IL4R: variants seen among roughly 807,000 people sequenced by gnomAD.
IL4R encodes interleukin 4 receptor, also known as interleukin-4 receptor subunit alpha.
Under a neutral mutation model 41.5 loss-of-function variants are expected in IL4R, and 17 were observed. The ratio of observed to expected loss-of-function variants is 0.41; its 90% CI spans 0.28 to 0.61. The LOEUF (loss-of-function observed/expected upper bound fraction) is 0.61, where lower values mean the gene tolerates loss of function less well. IL4R is among the 20% of genes least tolerant of loss of function. The pLI, the probability that IL4R is intolerant of heterozygous loss-of-function variation, is 0.31. For synonymous variants in IL4R, 402 were observed against 422.9 expected, an observed-to-expected ratio of 0.95 and a Z score of 0.61; for missense variants, 974 against 1,043.1, an observed-to-expected ratio of 0.93 and a Z score of 0.91.
rs572749612 is a variant in IL4R, at chr16:27,363,581, C to T, written c.2229C>T (p.Cys743=). The stretch of plus-strand genomic sequence containing the variant: ...AGACCCCTGTCATGGCCAGTCCTTG[C>T]TGTGGCTGCTGCTGTGGAGACAGGT... The part of the protein sequence containing the change: ...GGQTPVMASP[C]CGCCCGDRSS... Residue 743 remains cysteine (C), a synonymous_variant, in exon 11 of 11, where the codon TGC becomes TGT. Coordinates refer to ENST00000395762, the MANE Select transcript of IL4R (RefSeq NM_000418.4). 1.2e-6 allele frequency: 2 copies of T among 1,614,132 alleles called. No individual in the cohort carries two copies. Among genetic ancestry groups the T allele is most frequent in the African/African-American group, 2.7e-5 (2 of 75,056 alleles).
intron 2 of IL4R, 135 bp from the exon 3 acceptor site, chr16:27,340,051 T>C: frequency 3.2e-6 from 2 of 628,652 alleles, no homozygotes. Context: ...AGCGAGACTC[T>C]GTCTCGGAAA....
At chr16:27,314,645 G>A (rs1456862950) in intron 1 of IL4R, among the ~76,000 whole-genome samples, 1 of 152,090 alleles carries the variant, frequency 6.6e-6, no homozygotes, top group African/African-American at 2.4e-5. Flanking sequence ...TTGCCCTAAG[G>A]TGCCGCCCAC....
At chr16:27,314,166 G>A in intron 1 of IL4R, 146 bp downstream of exon 1, 1 of 942,154 alleles carries the variant, frequency 1.1e-6, no homozygotes, top group Non-Finnish European at 1.3e-6. Context: ...GCGACTCTCG[G>A]TGCGCGCGGA....
chr16:27,358,503 G>A lies in IL4R; in HGVS notation c.771-413G>A, dbSNP rs1426449791. 3.3e-5 allele frequency among the ~76,000 whole-genome samples: 5 copies of A among 152,298 alleles called. No homozygotes were observed. The East Asian group carries it at 9.7e-4, about 29-fold the overall frequency. On this transcript the variant is annotated intron_variant, in intron 8 of 10. Coordinates refer to ENST00000395762, the MANE Select transcript of IL4R (RefSeq NM_000418.4). The stretch of plus-strand genomic sequence containing the variant: ...CCCAGGCCATCCCAGGCCATTCCCT[G>A]GTCATTTGCCCTCAGCTGCTCTGAA...
rs558584235 is a variant in IL4R, at chr16:27,362,402, C to T, written c.1050C>T (p.Val350=). ...GCCCAGTGGAGATCAGCAAGACAGT[C>T]CTCTGGCCAGAGAGCATCAGCGTGG... is the stretch of plus-strand genomic sequence containing the variant. ...AWCPVEISKT[V]LWPESISVVR... is the part of the protein sequence containing the mutation. The change falls in exon 11 of 11, where the codon GTC becomes GTT. Residue 350 remains valine (V), a synonymous_variant. Coordinates refer to ENST00000395762, the MANE Select transcript of IL4R (RefSeq NM_000418.4). 1.6e-5 allele frequency: 26 copies of T among 1,614,160 alleles called. No individual in the cohort carries two copies. The East Asian group carries it at 5.6e-4, about 35-fold the overall frequency.
chr16:27,313,870 C>T, upstream of IL4R: 1 of 970,294 alleles, frequency 1.0e-6, no homozygotes, highest in Non-Finnish European at 1.2e-6. Context: ...TGCAAATCTG[C>T]CGGGCGCCGG....
chr16:27,359,829 G>A (rs1413065494), intron 9 of IL4R: 6 of 456,178 alleles, frequency 1.3e-5, no homozygotes, highest in Non-Finnish European at 2.2e-5. Flanking sequence ...TGTTTGCTGT[G>A]TAACAAACGA....
chr16:27,349,426 G>T (rs2085785315), intron 6 of IL4R, among the ~76,000 whole-genome samples: 1 of 152,188 alleles, frequency 6.6e-6, no homozygotes. Flanking sequence ...TTCTAGGCAA[G>T]GTTCCATAGT....
chr16:27,342,469 A>T (rs1320979040), intron 4 of IL4R, among the ~76,000 whole-genome samples: 1 of 152,146 alleles, frequency 6.6e-6, no homozygotes, highest in Non-Finnish European at 1.5e-5. Flanking sequence ...TCCACGTGGC[A>T]CATGGATACG....
chr16:27,332,986 C>T (rs1256007207), intron 2 of IL4R, among the ~76,000 whole-genome samples: 1 of 151,728 alleles, frequency 6.6e-6, no homozygotes, highest in East Asian at 1.9e-4. Flanking sequence ...GGCTTTCTTC[C>T]TGCTAGTGAC....
intron 9 of IL4R, chr16:27,359,820 G>A (rs1286426850): frequency 2.2e-6 from 1 of 456,572 alleles, no homozygotes; most frequent in Non-Finnish European, 4.4e-6. Flanking sequence ...ATCAGTTAGT[G>A]TTTGCTGTGT....
intron 1 of IL4R, among the ~76,000 whole-genome samples, chr16:27,315,871 A>G (rs114599038): frequency 0.026 from 3,945 of 152,260 alleles, 167 homozygotes; most frequent in African/African-American, 0.09. Context: ...GCAGGGAGGA[A>G]AACCTGCAGT....
Position 27,363,502 on chromosome 16 carries a change from C to T in IL4R, c.2150C>T (p.Thr717Ile). 1 of 1,614,166 alleles carries T rather than the reference C, an allele frequency of 6.2e-7. No homozygotes were observed. Among genetic ancestry groups the T allele is most frequent in the Non-Finnish European group, 8.5e-7 (1 of 1,180,016 alleles). ...AGTGGCATTGTCTACTCAGCCCTTA[C>T]CTGCCACCTGTGCGGCCACCTGAAA... The part of the protein sequence containing the change: ...LGSGIVYSAL[T>I]CHLCGHLKQC... The change falls in exon 11 of 11, where the codon ACC (threonine) becomes ATC (isoleucine). Residue 717 changes from threonine to isoleucine, a missense_variant. Thr to Ile is a moderately conservative substitution (Grantham distance 89). Transcript: ENST00000395762.
At position 27,352,564 on chromosome 16, in the gene IL4R, C is replaced by T. The variant is rs142568569; in HGVS notation, c.538C>T (p.Leu180=). ...GTTCAGAATCTATAACGTGACCTAC[C>T]TAGAACCCTCCCTCCGCATCGCAGC... ...ADFRIYNVTY[L]EPSLRIAAST... is the part of the protein sequence containing the mutation. The change falls in exon 7 of 11, where the codon CTA becomes TTA. Residue 180 remains leucine, a synonymous_variant. Transcript: ENST00000395762. 20 of 1,614,054 alleles carry T rather than the reference C, an allele frequency of 1.2e-5. No individual in the cohort carries two copies. In the African/African-American group the frequency reaches 2.4e-4, roughly 19 times the overall value.
chr16:27,361,522 A>G (rs2086283610), intron 10 of IL4R, among the ~76,000 whole-genome samples: 1 of 151,400 alleles, frequency 6.6e-6, no homozygotes, highest in Non-Finnish European at 1.5e-5. Flanking sequence ...TGGCCTCCTT[A>G]GCTTCTTCCC....
chr16:27,356,014 A>G, intron 8 of IL4R, 107 bp downstream of exon 8: 1 of 681,306 alleles, frequency 1.5e-6, no homozygotes, highest in Non-Finnish European at 2.6e-6. Flanking sequence ...AATAATACGC[A>G]TTTACTGAGC....
intron 1 of IL4R, among the ~76,000 whole-genome samples, chr16:27,315,850 C>G (rs547735965): frequency 9.3e-4 from 141 of 152,302 alleles, no homozygotes; most frequent in African/African-American, 3.3e-3. Flanking sequence ...GAGGGAGACG[C>G]TGGGGAGGCA....
In IL4R at chr16:27,345,363, C is replaced by A; in HGVS notation, c.361+343C>A. ...TGGGAACATTCCTTCCATTCTGTGT[C>A]CACTGGTCAGCTGCTGCGGCTTTGG... On this transcript the variant is annotated intron_variant, in intron 5 of 10. Transcript: ENST00000395762. This position sits in a 1 kb window ranked among gnomAD's most constrained non-coding sequence, Gnocchi z 4.5. The A allele has an allele frequency of 2.5e-6, 1 of 408,128 alleles. No homozygotes were observed. Among genetic ancestry groups the A allele is most frequent in the African/African-American group, 2.0e-5 (1 of 48,948 alleles). The allele number at this position is 408,128 out of a possible 1,614,324, so 25.3% of individuals were successfully genotyped here. A position where few individuals can be genotyped will look rare whatever the true frequency, so the allele number is the denominator to read the frequency against.
chr16:27,361,292 C>G (rs2086275335), intron 10 of IL4R, among the ~76,000 whole-genome samples: 1 of 152,028 alleles, frequency 6.6e-6, no homozygotes, highest in Non-Finnish European at 1.5e-5. Flanking sequence ...ATGTGCATTA[C>G]CACGCCTGGC....
Sources: allele counts gnomAD v4.1 joint callset (sites outside exome capture counted in the v4.1 genomes callset), GRCh38; gene constraint gnomAD v4.1.1; non-coding constraint Gnocchi (gnomAD v3.1); transcripts MANE v1.5; gene names NCBI Gene and HGNC (gene_info 2026-07-23, HGNC 2026-07-21).